CBFA2T3: variants seen among roughly 807,000 people sequenced by gnomAD.
The protein encoded by CBFA2T3 is transcriptional corepressor CBFA2T3.
In CBFA2T3, 31 loss-of-function variants were observed where a neutral mutation model predicts 58.6. That is an observed-to-expected ratio of 0.53 (90% CI 0.40 to 0.71). The LOEUF is 0.71. Among genes scored for constraint, CBFA2T3 ranks in the 30% least tolerant of loss-of-function variants. The pLI, the probability that CBFA2T3 is intolerant of heterozygous loss-of-function variation, is 0.00. For missense variants in CBFA2T3, 1,076 were observed against 963.1 expected (o/e 1.12, Z -1.55); for synonymous variants, 531 against 421.9 (o/e 1.26, Z -3.17).
chr16:88,947,081 C>T (rs1256603242), intron 1 of CBFA2T3, among the ~76,000 whole-genome samples: 2 of 152,134 alleles, frequency 1.3e-5, no homozygotes, highest in Admixed American at 6.5e-5. Context: ...CCAATGTAAA[C>T]TATGGATTTC....
intron 5 of CBFA2T3, among the ~76,000 whole-genome samples, chr16:88,889,728 GGGACACTTCAAATCCCT>G (rs1969546658): frequency 6.0e-5 from 9 of 149,144 alleles, no homozygotes; most frequent in East Asian, 2.0e-4. Flanking sequence ...TCCTCCTCCA[GGGACACTTCAAATCCCT>G]GGACGACGCC....
Position 88,958,692 on chromosome 16 carries a change from G to A in CBFA2T3, c.151+17965C>T, listed in dbSNP as rs1321026470. Among the ~76,000 whole-genome samples the A allele has an allele frequency of 6.6e-6, 1 of 151,962 alleles. No individual in the cohort carries two copies. The highest frequency in any genetic ancestry group is 2.4e-5 in the African/African-American group (1 of 41,354). On this transcript the variant is annotated intron_variant, in intron 1 of 11. Coordinates refer to ENST00000268679, the MANE Select transcript of CBFA2T3 (RefSeq NM_005187.6). The surrounding 1 kb of genome is among the most constrained non-coding windows in gnomAD (Gnocchi z 4.0). ...ACAAACTCGCTCCCCCAGGGCCGGGGGCTGGGGGCCTCGGTGTGGCCTTTG... is the reference window on the plus strand; with the variant it reads ...ACAAACTCGCTCCCCCAGGGCCGGGAGCTGGGGGCCTCGGTGTGGCCTTTG...
At position 88,957,081 on chromosome 16, in the gene CBFA2T3, G is replaced by A. The variant is rs541984520; in HGVS notation, c.151+19576C>T. ...CTACGTCTTTGTCACGCTCTCTCCCGGAACAAAACCGCCCTTGGGCTTCAG... is the reference window on the plus strand; with the variant it reads ...CTACGTCTTTGTCACGCTCTCTCCCAGAACAAAACCGCCCTTGGGCTTCAG... On this transcript the variant is annotated intron_variant, in intron 1 of 11. Transcript: ENST00000268679. Among the ~76,000 whole-genome samples, 162 of 152,282 alleles carry A rather than the reference G, an allele frequency of 1.1e-3. 1 individual carries two copies. Among genetic ancestry groups the A allele is most frequent in the African/African-American group, 3.5e-3 (147 of 41,546 alleles).
In CBFA2T3 at chr16:88,953,576, G is replaced by A. The variant is rs1449060123; in HGVS notation, c.151+23081C>T. Among the ~76,000 whole-genome samples the A allele has an allele frequency of 6.6e-6, 1 of 152,172 alleles. No homozygotes were observed. The highest frequency in any genetic ancestry group is 1.5e-5 in the Non-Finnish European group (1 of 68,030). ...GGATCTGGCAGGATCGGAATGTAGA[G>A]GCCTGGGGGCTCCCGGCTGGGGACA... On this transcript the variant is annotated intron_variant, in intron 1 of 11. Transcript: ENST00000268679. The surrounding 1 kb of genome is among the most constrained non-coding windows in gnomAD (Gnocchi z 4.9).
intron 1 of CBFA2T3, among the ~76,000 whole-genome samples, chr16:88,927,211 A>G (rs894007033): frequency 1.3e-5 from 2 of 152,200 alleles, no homozygotes; most frequent in African/African-American, 2.4e-5. Flanking sequence ...GTTGGGTCAG[A>G]TGGAGGCGTG....
chr16:88,974,416 G>A (rs1219911183), intron 1 of CBFA2T3, among the ~76,000 whole-genome samples: 1 of 152,026 alleles, frequency 6.6e-6, no homozygotes, highest in Non-Finnish European at 1.5e-5. Context: ...AGACGGCGGC[G>A]TGTGCTCTGT....
chr16:88,892,005 C>T (rs367768900), intron 4 of CBFA2T3, 34 bp from the exon 5 acceptor site: 37 of 1,563,752 alleles, frequency 2.4e-5, no homozygotes, highest in South Asian at 4.5e-5. Context: ...ACATCAGCAC[C>T]GCTCGGCATG....
chr16:88,921,355 G>C (rs552231614), intron 1 of CBFA2T3, among the ~76,000 whole-genome samples: 7 of 152,334 alleles, frequency 4.6e-5, no homozygotes, highest in Admixed American at 2.6e-4. Context: ...CAGGGAAGCC[G>C]AGCCGATCCT....
intron 5 of CBFA2T3, chr16:88,886,692 G>A (rs1969390387): frequency 6.6e-6 from 1 of 152,506 alleles, no homozygotes; most frequent in Non-Finnish European, 1.5e-5. Flanking sequence ...GAAGCCCTGA[G>A]GTTCAGCTTC....
At chr16:88,908,895 C>T (rs955119190) in intron 1 of CBFA2T3, among the ~76,000 whole-genome samples, 1 of 152,246 alleles carries the variant, frequency 6.6e-6, no homozygotes, top group African/African-American at 2.4e-5. Flanking sequence ...TTGTGCAGAA[C>T]ACCTCATTTC....
chr16:88,884,077 C>T (rs1018872565), intron 7 of CBFA2T3: 1 of 152,284 alleles, frequency 6.6e-6, no homozygotes, highest in African/African-American at 2.4e-5. Context: ...ACACCCCAAC[C>T]AAAATAGTGG....
intron 8 of CBFA2T3, 108 bp from the exon 9 acceptor site, chr16:88,881,597 C>T (rs938243766): frequency 3.5e-6 from 4 of 1,142,760 alleles, no homozygotes; most frequent in Non-Finnish European, 3.7e-6. Flanking sequence ...GCCCGACCAG[C>T]CCACCGCCCG....
rs938379730 is a variant in CBFA2T3 at position 88,879,542 on chromosome 16, T to G, written c.1472-82A>C. On this transcript the variant is annotated intron_variant, in intron 10 of 11. Transcript: ENST00000268679. ...GGACTTCCTACGCGTGGCCACAACC[T>G]GGGGACAGGGGCTGTGTGCAGCTGA... 2.5e-5 allele frequency: 32 copies of G among 1,291,488 alleles called. No homozygotes were observed. The African/African-American group carries it at 4.7e-4, about 19-fold the overall frequency. The allele number at this position is 1,291,488 out of a possible 1,614,324, so 80.0% of individuals were successfully genotyped here.
intron 1 of CBFA2T3, chr16:88,936,906 G>C (rs1971520596): frequency 6.6e-6 from 1 of 152,266 alleles, no homozygotes; most frequent in African/African-American, 2.4e-5. Flanking sequence ...GTGGGGACTG[G>C]GGAGCAGTTA....
At chr16:88,966,947 C>T (rs1972520336) in intron 1 of CBFA2T3, among the ~76,000 whole-genome samples, 2 of 152,244 alleles carry the variant, frequency 1.3e-5, no homozygotes, top group Non-Finnish European at 2.9e-5. Flanking sequence ...ACTCTAGTCC[C>T]TGTGGCCAAT....
rs117336969 is a variant in CBFA2T3 at position 88,906,452 on chromosome 16, G to A, written c.152-4796C>T. On this transcript the variant is annotated intron_variant, in intron 1 of 11. Transcript: ENST00000268679. ...CTGCTCCCCGCTCCAGCCGCAAGAC[G>A]GCCCCGTCCAGACACACGGAGGTGA... Among the ~76,000 whole-genome samples, 225 of 151,826 alleles carry A rather than the reference G, an allele frequency of 1.5e-3. 4 individuals carry two copies. In the East Asian group the frequency reaches 0.024, roughly 16 times the overall value.
intron 1 of CBFA2T3, among the ~76,000 whole-genome samples, chr16:88,934,407 T>A (rs1242372482): frequency 6.6e-6 from 1 of 152,194 alleles, no homozygotes; most frequent in Non-Finnish European, 1.5e-5. Context: ...TGCTGGACCC[T>A]GAAGGAGCAG....
intron 1 of CBFA2T3, among the ~76,000 whole-genome samples, chr16:88,945,615 G>A (rs1419500631): frequency 6.6e-6 from 1 of 152,176 alleles, no homozygotes; most frequent in Non-Finnish European, 1.5e-5. Flanking sequence ...GCACAGCCAC[G>A]AGAGGCCACG....
intron 3 of CBFA2T3, 96 bp downstream of exon 3, chr16:88,897,982 A>T: frequency 1.1e-6 from 1 of 889,904 alleles, no homozygotes. Context: ...GCCGGGGAGG[A>T]GAGCTGAGCG....
Sources: allele counts gnomAD v4.1 joint callset (sites outside exome capture counted in the v4.1 genomes callset), GRCh38; gene constraint gnomAD v4.1.1; non-coding constraint Gnocchi (gnomAD v3.1); transcripts MANE v1.5; gene names NCBI Gene and HGNC (gene_info 2026-07-23, HGNC 2026-07-21).